The following DNER variants were observed in gnomAD, a reference collection of about 807,000 sequenced individuals.
DNER encodes delta/notch like EGF repeat containing, also known as delta and Notch-like epidermal growth factor-related receptor.
Under a neutral mutation model 78.2 loss-of-function variants are expected in DNER, and 33 were observed. The observed-to-expected ratio is 0.42, with a 90% CI of 0.32 to 0.56. DNER has a LOEUF of 0.56. Among genes scored for constraint, DNER ranks in the 20% least tolerant of loss-of-function variants. DNER has a pLI of 0.11. For synonymous variants in DNER, 417 were observed against 384.8 expected (o/e 1.08, Z -0.98); for missense variants, 918 against 975.3 (o/e 0.94, Z 0.78).
intron 1 of DNER, among the ~76,000 whole-genome samples, chr2:229,625,197 GTGTAGCTCTCTTGTATTTTACAA>G (rs1246032524): frequency 3.9e-5 from 6 of 152,156 alleles, no homozygotes; most frequent in Non-Finnish European, 8.8e-5. Flanking sequence ...TGCTTCCTCA[GTGTAGCTCTCTTGTATTTTACAA>G]TGTAGCTCTC....
intron 5 of DNER, among the ~76,000 whole-genome samples, chr2:229,519,788 G>A (rs527648479): frequency 1.1e-4 from 16 of 152,204 alleles, no homozygotes; most frequent in African/African-American, 3.4e-4. Context: ...AAATAACCCC[G>A]GCAATGGTGG....
At chr2:229,417,028 C>T (rs151287528) in intron 9 of DNER, among the ~76,000 whole-genome samples, 296 of 152,270 alleles carry the variant, frequency 1.9e-3, no homozygotes, top group African/African-American at 6.7e-3. Flanking sequence ...ATGAAGCCAG[C>T]ACATCTGCTG....
chr2:229,570,710 G>GAGAAGCGGGGTTGC (rs1340429486), intron 4 of DNER, among the ~76,000 whole-genome samples: 1 of 152,090 alleles, frequency 6.6e-6, no homozygotes, highest in Non-Finnish European at 1.5e-5. Context: ...GGCACGAGAG[G>GAGAAGCGGGGTTGC]AGAAGCGGGG....
chr2:229,577,589 C>T (rs528622660), intron 4 of DNER, among the ~76,000 whole-genome samples: 19 of 152,058 alleles, frequency 1.2e-4, no homozygotes, highest in African/African-American at 3.4e-4. Flanking sequence ...GAGCAGAGAT[C>T]GTGCCATTGC....
At chr2:229,675,545 A>T (rs546586033) in intron 1 of DNER, among the ~76,000 whole-genome samples, 1 of 152,376 alleles carries the variant, frequency 6.6e-6, no homozygotes, top group South Asian at 2.1e-4. Context: ...GATCCCTGGC[A>T]GACACAGGCT....
rs533955271 is a variant in DNER at position 229,672,370 on chromosome 2, C to T, written c.276+41778G>A. On this transcript the variant is annotated intron_variant, in intron 1 of 12. Coordinates refer to ENST00000341772, the MANE Select transcript of DNER (RefSeq NM_139072.4). ...GGACTTTTGAGATGGAAGCTCAGGGCTCCAAAGGTGCATGGAGAGAGAGGA... is the reference window on the plus strand; with the variant it reads ...GGACTTTTGAGATGGAAGCTCAGGGTTCCAAAGGTGCATGGAGAGAGAGGA... Among the ~76,000 whole-genome samples, 6 of 151,174 alleles carry T rather than the reference C, an allele frequency of 4.0e-5. No homozygotes were observed. The East Asian group carries it at 1.2e-3, about 30-fold the overall frequency.
intron 7 of DNER, among the ~76,000 whole-genome samples, chr2:229,469,443 G>A (rs1190467812): frequency 6.6e-6 from 1 of 152,198 alleles, no homozygotes; most frequent in Admixed American, 6.5e-5. Context: ...TCTAAGCACT[G>A]CATATTCACA....
At position 229,644,334 on chromosome 2, in the gene DNER, C is replaced by CTTTTTTT. The variant is rs5839345; in HGVS notation, c.277-52453_277-52447dup. ...AAGTATGATGACTGTCTTGCTTTCT[C>CTTTTTTT]TTTTTTTTTTTTTTTTTTTTTTTTT... is the stretch of plus-strand genomic sequence containing the variant. On this transcript the variant is annotated intron_variant, in intron 1 of 12. Transcript: ENST00000341772. Among the ~76,000 whole-genome samples the CTTTTTTT allele has an allele frequency of 9.2e-5, 9 of 97,536 alleles. 1 individual carries two copies. The highest frequency in any genetic ancestry group is 2.2e-4 in the African/African-American group (5 of 22,322). The allele number at this position is 97,536 out of a possible 152,430, so 64.0% of individuals were successfully genotyped here.
chr2:229,506,050 A>G (rs1695736474), intron 6 of DNER, among the ~76,000 whole-genome samples: 1 of 152,204 alleles, frequency 6.6e-6, no homozygotes, highest in Non-Finnish European at 1.5e-5. Flanking sequence ...GGGTTCCAGC[A>G]CAATTCTGAT....
intron 8 of DNER, among the ~76,000 whole-genome samples, chr2:229,440,406 C>T (rs1330535943): frequency 6.6e-6 from 1 of 152,182 alleles, no homozygotes; most frequent in Non-Finnish European, 1.5e-5. Context: ...TCCCCTGACT[C>T]CCAGGATACC....
intron 11 of DNER, among the ~76,000 whole-genome samples, chr2:229,375,218 A>C (rs933247021): frequency 6.6e-6 from 1 of 152,230 alleles, no homozygotes; most frequent in South Asian, 2.1e-4. Flanking sequence ...AGTTGTTCAA[A>C]GAGAAAGACA....
At chr2:229,630,521 T>A (rs183414031) in intron 1 of DNER, among the ~76,000 whole-genome samples, 27 of 142,946 alleles carry the variant, frequency 1.9e-4, no homozygotes, top group African/African-American at 6.3e-4. Context: ...ATAATAATAA[T>A]AAAATCTTCT....
At chr2:229,575,186 G>C (rs1445580869) in intron 4 of DNER, among the ~76,000 whole-genome samples, 1 of 152,048 alleles carries the variant, frequency 6.6e-6, no homozygotes, top group Admixed American at 6.6e-5. Context: ...GATGGGGAGA[G>C]AGAGAAAATG....
intron 12 of DNER, among the ~76,000 whole-genome samples, chr2:229,364,844 C>CTT (rs34346714): frequency 0.036 from 2,740 of 75,462 alleles, 340 homozygotes; most frequent in African/African-American, 0.11. Context: ...CTCTCTCTCT[C>CTT]TTTTTTTTTT....
At chr2:229,371,037 C>T (rs574920198) in intron 11 of DNER, among the ~76,000 whole-genome samples, 7 of 152,288 alleles carry the variant, frequency 4.6e-5, no homozygotes, top group South Asian at 4.1e-4. Context: ...CCAAGCTGTT[C>T]GGACTTTTGG....
chr2:229,472,864 A>T (rs1694952508), intron 7 of DNER, among the ~76,000 whole-genome samples: 1 of 152,234 alleles, frequency 6.6e-6, no homozygotes. Flanking sequence ...TTCAGGAGAA[A>T]TACAGAACCT....
chr2:229,514,034 T>C (rs1158603774), intron 5 of DNER, among the ~76,000 whole-genome samples: 3 of 152,064 alleles, frequency 2.0e-5, no homozygotes, highest in Non-Finnish European at 4.4e-5. Context: ...GAGAAAAGGG[T>C]TATCCATTCT....
intron 5 of DNER, among the ~76,000 whole-genome samples, 178 bp downstream of exon 5, chr2:229,546,769 T>A (rs1382835643): frequency 6.7e-6 from 1 of 150,166 alleles, no homozygotes; most frequent in East Asian, 1.9e-4. Flanking sequence ...CAACTTGGCT[T>A]GAGACAGACA....
intron 8 of DNER, among the ~76,000 whole-genome samples, chr2:229,436,878 G>A (rs917796809): frequency 6.6e-6 from 1 of 152,104 alleles, no homozygotes; most frequent in Non-Finnish European, 1.5e-5. Context: ...ACTATAAAGC[G>A]GTCACACAAG....
Sources: allele counts gnomAD v4.1 joint callset (sites outside exome capture counted in the v4.1 genomes callset), GRCh38; gene constraint gnomAD v4.1.1; transcripts MANE v1.5; gene names NCBI Gene and HGNC (gene_info 2026-07-23, HGNC 2026-07-21).